The following UBE2L3 variants were observed in gnomAD, a reference collection of about 807,000 sequenced individuals.
The protein encoded by UBE2L3 is ubiquitin conjugating enzyme E2 L3, also known as ubiquitin-conjugating enzyme E2 L3.
UBE2L3 carries 1 observed loss-of-function variant against 17.8 expected under a neutral mutation model. The ratio of observed to expected loss-of-function variants is 0.06; its 90% CI spans 0.02 to 0.27. The LOEUF (loss-of-function observed/expected upper bound fraction) is 0.27, where lower values mean the gene tolerates loss of function less well. Ranked by LOEUF, UBE2L3 falls within the 10% of genes least tolerant of loss-of-function variation. The probability of loss-of-function intolerance (pLI) is 1.00; values close to 1 mark genes in which losing one functional copy is unlikely to be tolerated. For synonymous variants in UBE2L3, 44 were observed against 68.5 expected (o/e 0.64, Z 1.76); for missense variants, 40 against 192.6 (o/e 0.21, Z 4.69).
rs952155137 is a variant in UBE2L3, at chr22:21,569,413, A to G, written c.27+1642A>G. Among the ~76,000 whole-genome samples the G allele has an allele frequency of 5.9e-5, 9 of 151,706 alleles. No homozygotes were observed. The South Asian group carries it at 1.0e-3, about 18-fold the overall frequency. ...TCCATGTCAAAAAAAAAAAAAAAAAAAAGATTTCTGGAGTGCATGCCTTGC... is the reference window on the plus strand; with the variant it reads ...TCCATGTCAAAAAAAAAAAAAAAAAGAAGATTTCTGGAGTGCATGCCTTGC... On this transcript the variant is annotated intron_variant, in intron 1 of 3. Coordinates refer to ENST00000342192, the MANE Select transcript of UBE2L3 (RefSeq NM_003347.4).
At chr22:21,570,314 TA>T (rs201969551) in intron 1 of UBE2L3, among the ~76,000 whole-genome samples, 7 of 151,040 alleles carry the variant, frequency 4.6e-5, no homozygotes, top group Non-Finnish European at 8.9e-5. Context: ...ACTCTGTTTC[TA>T]AAAAAAAACA....
At chr22:21,596,296 G>C (rs550734763) in intron 2 of UBE2L3, among the ~76,000 whole-genome samples, 7 of 151,936 alleles carry the variant, frequency 4.6e-5, no homozygotes, top group Non-Finnish European at 7.4e-5. Flanking sequence ...GAATTTCTGG[G>C]CTCAAGCAAT....
chr22:21,615,661 T>A (rs1232973135), intron 3 of UBE2L3, among the ~76,000 whole-genome samples: 1 of 152,202 alleles, frequency 6.6e-6, no homozygotes, highest in Non-Finnish European at 1.5e-5. Context: ...TCATAGAGTC[T>A]GCGTTTGCGA....
rs1281745839 is a variant in UBE2L3 at position 21,622,991 on chromosome 22, T to C, written c.*1322T>C. 6.6e-6 allele frequency: 1 copy of C among 152,434 alleles called. No individual in the cohort carries two copies. The highest frequency in any genetic ancestry group is 2.4e-5 in the African/African-American group (1 of 41,458). The allele number at this position is 152,434 out of a possible 1,614,324, so 9.4% of individuals were successfully genotyped here. A position where few individuals can be genotyped will look rare whatever the true frequency, so the allele number is the denominator to read the frequency against. On this transcript the variant is annotated 3_prime_UTR_variant, in exon 4 of 4. Coordinates refer to ENST00000342192, the MANE Select transcript of UBE2L3 (RefSeq NM_003347.4). ...AATGTCTTTTCAAGGCAAATGGGAT[T>C]GTCCCCGCACTAGTAGAGAATCCAT...
intron 2 of UBE2L3, among the ~76,000 whole-genome samples, chr22:21,607,673 T>G (rs1432219970): frequency 6.6e-6 from 1 of 151,930 alleles, no homozygotes; most frequent in Non-Finnish European, 1.5e-5. Flanking sequence ...TAGGTAGGGT[T>G]GGGGAGAGGC....
intron 2 of UBE2L3, among the ~76,000 whole-genome samples, chr22:21,605,927 C>A (rs908878679): frequency 2.6e-5 from 4 of 152,222 alleles, no homozygotes; most frequent in African/African-American, 9.6e-5. Flanking sequence ...CCTTAGCCTC[C>A]CAAAGTGTTG....
At chr22:21,557,201 T>TA (rs951528453) in intron 1 of UBE2L3, among the ~76,000 whole-genome samples, 3 of 152,212 alleles carry the variant, frequency 2.0e-5, no homozygotes, top group African/African-American at 4.8e-5. Context: ...TGCATCTCTA[T>TA]AAAAAAATTA....
chr22:21,567,892 C>A, intron 1 of UBE2L3, 121 bp downstream of exon 1: 1 of 1,530,876 alleles, frequency 6.5e-7, no homozygotes, highest in Middle Eastern at 2.1e-4. Flanking sequence ...ACGGCCTCGT[C>A]GGTTCCCTGG....
chr22:21,576,488 C>T (rs5754166), intron 1 of UBE2L3, among the ~76,000 whole-genome samples: 28,374 of 151,680 alleles, frequency 0.19, 3,469 homozygotes, highest in East Asian at 0.41. Context: ...TTAGTAGAGA[C>T]GGGGTTTCAC....
chr22:21,564,405 G>A (rs1747940900), upstream of UBE2L3, among the ~76,000 whole-genome samples: 1 of 152,166 alleles, frequency 6.6e-6, no homozygotes, highest in Non-Finnish European at 1.5e-5. Context: ...CTGAGTGGAG[G>A]GGATCGGGTA....
At chr22:21,595,426 A>G (rs550700686) in intron 2 of UBE2L3, among the ~76,000 whole-genome samples, 1 of 152,288 alleles carries the variant, frequency 6.6e-6, no homozygotes, top group African/African-American at 2.4e-5. Context: ...CTACTATACA[A>G]ACTCACCTGA....
At chr22:21,582,613 C>T (rs1927706490) in intron 1 of UBE2L3, among the ~76,000 whole-genome samples, 2 of 152,130 alleles carry the variant, frequency 1.3e-5, no homozygotes, top group Non-Finnish European at 2.9e-5. Context: ...GCAACCTCTG[C>T]CTCATGGGTT....
intron 3 of UBE2L3, among the ~76,000 whole-genome samples, chr22:21,616,571 G>GA (rs1929785497): frequency 6.6e-6 from 1 of 151,496 alleles, no homozygotes; most frequent in African/African-American, 2.4e-5. Flanking sequence ...AGAATCACTT[G>GA]AACCCGAGAG....
intron 2 of UBE2L3, among the ~76,000 whole-genome samples, chr22:21,597,646 C>T (rs780106102): frequency 4.6e-5 from 7 of 151,850 alleles, no homozygotes; most frequent in Non-Finnish European, 1.0e-4. Context: ...AATTTTGTTG[C>T]CTATACTTTG....
At chr22:21,612,246 T>C (rs1466117150) in intron 3 of UBE2L3, among the ~76,000 whole-genome samples, 1 of 152,208 alleles carries the variant, frequency 6.6e-6, no homozygotes, top group Non-Finnish European at 1.5e-5. Context: ...CAGTCTCTAG[T>C]GGGCTTGGTC....
At chr22:21,560,969 G>A (rs1428066121) in intron 1 of UBE2L3, among the ~76,000 whole-genome samples, 1 of 152,294 alleles carries the variant, frequency 6.6e-6, no homozygotes, top group African/African-American at 2.4e-5. Context: ...TAAGCACAGA[G>A]AATGGAGTAG....
At position 21,582,350 on chromosome 22, in the gene UBE2L3, T is replaced by G. The variant is rs183075858; in HGVS notation, c.28-10511T>G. On this transcript the variant is annotated intron_variant, in intron 1 of 3. Transcript: ENST00000342192. Reference sequence around the variant, plus strand: ...GTGGTATGAATGTGGTGGGTTTTTTTTTGTTGTTGTTTTTTTTTTTTGCGA... The same window carrying G: ...GTGGTATGAATGTGGTGGGTTTTTTGTTGTTGTTGTTTTTTTTTTTTGCGA... Among the ~76,000 whole-genome samples, 48 of 151,200 alleles carry G rather than the reference T, an allele frequency of 3.2e-4. No homozygotes were observed. The East Asian group carries it at 5.3e-3, about 17-fold the overall frequency.
rs143956625 is a variant in UBE2L3, at chr22:21,584,848, C to G, written c.28-8013C>G. Among the ~76,000 whole-genome samples, 929 of 152,214 alleles carry G rather than the reference C, an allele frequency of 6.1e-3. 14 individuals are homozygous for G. Among genetic ancestry groups the G allele is most frequent in the African/African-American group, 0.021 (882 of 41,560 alleles). On this transcript the variant is annotated intron_variant, in intron 1 of 3. Transcript: ENST00000342192. ...TGGTGGTGCGTGCCTGTAGCCCCAG[C>G]TACTCAGGAGGCTGAGGCATAAGAA...
intron 1 of UBE2L3, among the ~76,000 whole-genome samples, chr22:21,559,099 C>T (rs1446730852): frequency 2.0e-5 from 3 of 151,664 alleles, no homozygotes; most frequent in Non-Finnish European, 4.4e-5. Context: ...CTAATCTCAG[C>T]AGTTTGGGAG....
Sources: gnomAD v4.1 joint callset for allele counts (sites outside exome capture counted in the v4.1 genomes callset) on GRCh38, gnomAD v4.1.1 for gene constraint, MANE v1.5 for transcripts, NCBI Gene and HGNC (gene_info 2026-07-23, HGNC 2026-07-21) for gene names.